The following AMBRA1 variants were observed in gnomAD, a reference collection of about 807,000 sequenced individuals.
AMBRA1 encodes activating molecule in BECN1-regulated autophagy protein 1.
Under a neutral mutation model 125.4 loss-of-function variants are expected in AMBRA1, and 47 were observed. The ratio of observed to expected loss-of-function variants is 0.37; its 90% CI spans 0.30 to 0.48. The LOEUF (loss-of-function observed/expected upper bound fraction) is 0.48, where lower values mean the gene tolerates loss of function less well. AMBRA1 is among the 20% of genes least tolerant of loss of function. AMBRA1 has a pLI of 0.99. For synonymous variants in AMBRA1, 626 were observed against 655.5 expected, an observed-to-expected ratio of 0.95 and a Z score of 0.69; for missense variants, 1,331 against 1,693.4, an observed-to-expected ratio of 0.79 and a Z score of 3.76.
chr11:46,547,130 T>C lies in AMBRA1; in HGVS notation c.361A>G (p.Arg121Gly). 1.2e-6 allele frequency: 2 copies of C among 1,609,100 alleles called. No homozygotes were observed. Among genetic ancestry groups the C allele is most frequent in the Non-Finnish European group, 1.7e-6 (2 of 1,178,672 alleles). Residue 121 changes from arginine to glycine, a missense_variant, in exon 4 of 18, where the codon AGG becomes GGG. Physicochemically the swap from Arg to Gly is moderately radical, Grantham distance 125. Around this residue, in one of 4 missense-constraint regions of AMBRA1, gnomAD observed 144 missense variants for 250.4 expected, o/e 0.58. Coordinates refer to ENST00000683756, the MANE Select transcript of AMBRA1 (RefSeq NM_001387011.1). Reference protein sequence around the residue: ...IASGCLDGEVRIWDLHGGSES... With the variant: ...IASGCLDGEVGIWDLHGGSES... Reference sequence around the variant, plus strand: ...ATACTCACGTGTAAATCCCAAATCCTAACCTCCCCATCTAGGCAGCCAGAA... The same window carrying C: ...ATACTCACGTGTAAATCCCAAATCCCAACCTCCCCATCTAGGCAGCCAGAA...
intron 11 of AMBRA1, among the ~76,000 whole-genome samples, chr11:46,452,728 T>C (rs1343386302): frequency 6.6e-6 from 1 of 152,206 alleles, no homozygotes; most frequent in Non-Finnish European, 1.5e-5. Flanking sequence ...CTAATCATCA[T>C]TTAATCTAAT....
intron 11 of AMBRA1, among the ~76,000 whole-genome samples, chr11:46,461,830 T>A (rs1949101332): frequency 6.6e-6 from 1 of 152,114 alleles, no homozygotes; most frequent in Admixed American, 6.5e-5. Flanking sequence ...GAGTTCAAAC[T>A]AGGAACAATC....
chr11:46,547,003 G>A (rs577320783), intron 4 of AMBRA1, 110 bp downstream of exon 4: 30 of 993,624 alleles, frequency 3.0e-5, no homozygotes, highest in Admixed American at 2.8e-4. Context: ...CCTGGGAGAC[G>A]GAGGTTGCAG....
At chr11:46,590,239 TGC>T (rs1431782175) in intron 1 of AMBRA1, among the ~76,000 whole-genome samples, 1 of 151,726 alleles carries the variant, frequency 6.6e-6, no homozygotes, top group Non-Finnish European at 1.5e-5. Flanking sequence ...GGTGCGGTGG[TGC>T]GCACCTGTAG....
At chr11:46,406,918 C>T (rs1467276288) in intron 17 of AMBRA1, among the ~76,000 whole-genome samples, 3 of 151,788 alleles carry the variant, frequency 2.0e-5, no homozygotes, top group Admixed American at 6.6e-5. Context: ...CGGTGGCTCA[C>T]GCCTTTAATC....
intron 11 of AMBRA1, among the ~76,000 whole-genome samples, chr11:46,483,577 G>A (rs576963803): frequency 6.6e-6 from 1 of 152,294 alleles, no homozygotes; most frequent in South Asian, 2.1e-4. Flanking sequence ...AAACGAGAAA[G>A]AAAAGCTGAT....
rs758957000 is a variant in AMBRA1, at chr11:46,543,079, C to T, written c.938G>A (p.Arg313His). 5.6e-6 allele frequency: 9 copies of T among 1,594,502 alleles called. No homozygotes were observed. The highest frequency in any genetic ancestry group is 4.5e-5 in the East Asian group (2 of 44,652). The stretch of plus-strand genomic sequence containing the variant: ...GGAAGGAACTCGAGTGCCAGAGCAG[C>T]GGCTGCAAAGGCACAGGATCCCAAG... ...QHLGILCLCS[R>H]CSGTRVPSLL... Residue 313 changes from arginine to histidine, a missense_variant, in exon 7 of 18, where the codon CGC becomes CAC. Coordinates refer to ENST00000683756, the MANE Select transcript of AMBRA1 (RefSeq NM_001387011.1).
At chr11:46,587,109 G>C (rs2044429426) in intron 1 of AMBRA1, among the ~76,000 whole-genome samples, 1 of 152,166 alleles carries the variant, frequency 6.6e-6, no homozygotes. Flanking sequence ...GTCAGGCACA[G>C]TGGCTCCCGC....
At chr11:46,576,504 C>G (rs544453904) in intron 1 of AMBRA1, among the ~76,000 whole-genome samples, 22 of 152,224 alleles carry the variant, frequency 1.4e-4, no homozygotes, top group African/African-American at 5.1e-4. Context: ...ATCTCTGTCA[C>G]CTCCCTCATT....
intron 7 of AMBRA1, among the ~76,000 whole-genome samples, chr11:46,514,880 T>G (rs1320832580): frequency 6.6e-6 from 1 of 152,198 alleles, no homozygotes; most frequent in Non-Finnish European, 1.5e-5. Flanking sequence ...TAGTGAGAGA[T>G]ACAGAGTCTG....
At position 46,511,486 on chromosome 11, in the gene AMBRA1, A is replaced by G. The variant is rs1406993900; in HGVS notation, c.2159+1241T>C. Among the ~76,000 whole-genome samples the G allele has an allele frequency of 3.9e-5, 6 of 152,352 alleles. No homozygotes were observed. In the East Asian group the frequency reaches 1.2e-3, roughly 29 times the overall value. ...ACTGTGGCAACAATAAAAGCACTTA[A>G]TATTCCTGGAATCAACTTGGTCTAA... On this transcript the variant is annotated intron_variant, in intron 8 of 17. Coordinates refer to ENST00000683756, the MANE Select transcript of AMBRA1 (RefSeq NM_001387011.1).
chr11:46,530,326 G>A (rs1395519748), intron 7 of AMBRA1, among the ~76,000 whole-genome samples: 6 of 152,144 alleles, frequency 3.9e-5, no homozygotes, highest in African/African-American at 1.4e-4. Flanking sequence ...GAATGATGAG[G>A]GATAATTTAG....
intron 1 of AMBRA1, among the ~76,000 whole-genome samples, chr11:46,579,983 G>A (rs1465395876): frequency 1.3e-5 from 2 of 152,166 alleles, no homozygotes; most frequent in Non-Finnish European, 2.9e-5. Context: ...AAAGTGCTGG[G>A]ATTACAGGCG....
At chr11:46,401,403 G>A (rs1945754002) in intron 17 of AMBRA1, among the ~76,000 whole-genome samples, 1 of 152,186 alleles carries the variant, frequency 6.6e-6, no homozygotes, top group South Asian at 2.1e-4. Context: ...ACCATACCCA[G>A]CTAATTTTTG....
chr11:46,469,709 G>C (rs1176733984), intron 11 of AMBRA1, among the ~76,000 whole-genome samples: 1 of 152,024 alleles, frequency 6.6e-6, no homozygotes, highest in African/African-American at 2.4e-5. Flanking sequence ...TGTTGCCCCA[G>C]GGTGGAGTGC....
intron 1 of AMBRA1, among the ~76,000 whole-genome samples, chr11:46,570,319 C>CA (rs1302275594): frequency 6.6e-6 from 1 of 150,506 alleles, no homozygotes; most frequent in Non-Finnish European, 1.5e-5. Context: ...TCTAGGAGCC[C>CA]ATCCCCACTC....
chr11:46,535,853 A>T (rs1952452355), intron 7 of AMBRA1, among the ~76,000 whole-genome samples: 1 of 152,208 alleles, frequency 6.6e-6, no homozygotes, highest in Admixed American at 6.5e-5. Context: ...CTGAGTCATC[A>T]GTGTAAAGCC....
intron 1 of AMBRA1, 42 bp from the exon 2 acceptor site, chr11:46,548,542 C>T (rs1405893877): frequency 6.5e-6 from 5 of 768,670 alleles, no homozygotes; most frequent in African/African-American, 3.5e-5. Flanking sequence ...ACTTCTGCAA[C>T]GAGAAGCTTC....
At chr11:46,450,302 G>C (rs1466497097) in intron 11 of AMBRA1, among the ~76,000 whole-genome samples, 2 of 152,122 alleles carry the variant, frequency 1.3e-5, no homozygotes, top group Non-Finnish European at 2.9e-5. Context: ...AATGAAAGAA[G>C]TCAAAGGCTA....
Sources: gnomAD v4.1 joint callset for allele counts (sites outside exome capture counted in the v4.1 genomes callset) on GRCh38, gnomAD v4.1.1 for gene constraint, gnomAD v4.1.1 regional missense constraint, MANE v1.5 for transcripts, NCBI Gene and HGNC (gene_info 2026-07-23, HGNC 2026-07-21) for gene names.